Variants in ARFIP1 observed in about 807,000 individuals in gnomAD.
ARFIP1 encodes ARF interacting protein 1.
ARFIP1 carries 24 observed loss-of-function variants against 42.5 expected under a neutral mutation model. The observed-to-expected ratio is 0.57, with a 90% CI of 0.41 to 0.80. ARFIP1 has a LOEUF of 0.80. ARFIP1 is among the 30% of genes least tolerant of loss of function. The pLI is 0.00. For missense variants in ARFIP1, 354 were observed against 434.0 expected (o/e 0.82, Z 1.64); for synonymous variants, 141 against 153.7 (o/e 0.92, Z 0.61).
intron 1 of ARFIP1, among the ~76,000 whole-genome samples, chr4:152,811,953 T>C (rs1412291875): frequency 1.3e-5 from 2 of 152,222 alleles, no homozygotes; most frequent in Non-Finnish European, 2.9e-5. Context: ...AGAAAATGAA[T>C]AGATAATAGT....
At chr4:152,889,528 TATATATAC>T (rs1235038170) in intron 8 of ARFIP1, among the ~76,000 whole-genome samples, 3,764 of 53,204 alleles carry the variant, frequency 0.071, 291 homozygotes, top group East Asian at 0.13. Context: ...TATATATATA[TATATATAC>T]ACCTATTTTT....
intron 2 of ARFIP1, among the ~76,000 whole-genome samples, chr4:152,860,243 A>G (rs958703323): frequency 5.3e-5 from 8 of 152,184 alleles, no homozygotes; most frequent in African/African-American, 1.7e-4. Context: ...AATTCAGACT[A>G]TTTGCCTGGG....
chr4:152,789,322 T>C (rs1186257099), intron 1 of ARFIP1, among the ~76,000 whole-genome samples: 3 of 151,720 alleles, frequency 2.0e-5, no homozygotes, highest in South Asian at 2.1e-4. Context: ...ACTCCTGACC[T>C]CAGGTGATCC....
At chr4:152,849,138 T>A (rs1732788212) in intron 2 of ARFIP1, among the ~76,000 whole-genome samples, 1 of 152,210 alleles carries the variant, frequency 6.6e-6, no homozygotes, top group Non-Finnish European at 1.5e-5. Context: ...ATTTTTAATA[T>A]ACACATACAT....
chr4:152,780,880 T>G (rs1484390199), intron 1 of ARFIP1, among the ~76,000 whole-genome samples: 1 of 152,228 alleles, frequency 6.6e-6, no homozygotes, highest in East Asian at 1.9e-4. Flanking sequence ...TTTACTTTAT[T>G]TTGTTATTAC....
chr4:152,884,338 C>T (rs1305310391), intron 7 of ARFIP1, among the ~76,000 whole-genome samples: 1 of 151,840 alleles, frequency 6.6e-6, no homozygotes, highest in Non-Finnish European at 1.5e-5. Context: ...TCAAAGGGTT[C>T]ATTATGTATA....
chr4:152,792,105 A>G (rs895287807), intron 1 of ARFIP1, among the ~76,000 whole-genome samples: 1 of 152,184 alleles, frequency 6.6e-6, no homozygotes, highest in Non-Finnish European at 1.5e-5. Flanking sequence ...TATCAAGTCT[A>G]AAGAAACTAA....
intron 8 of ARFIP1, among the ~76,000 whole-genome samples, chr4:152,901,391 C>G (rs1259209188): frequency 6.6e-6 from 1 of 152,138 alleles, no homozygotes; most frequent in East Asian, 1.9e-4. Context: ...ATTTAAAACT[C>G]CAGCTTGTCT....
At chr4:152,825,463 A>G (rs778667349) in intron 1 of ARFIP1, among the ~76,000 whole-genome samples, 4 of 152,222 alleles carry the variant, frequency 2.6e-5, no homozygotes, top group East Asian at 1.9e-4. Flanking sequence ...ACACTATTCA[A>G]TAAATGGTGC....
chr4:152,878,604 T>C (rs1466664705), intron 5 of ARFIP1, among the ~76,000 whole-genome samples: 1 of 152,236 alleles, frequency 6.6e-6, no homozygotes, highest in Non-Finnish European at 1.5e-5. Flanking sequence ...ACAACTTCTT[T>C]CAAGTGTCCA....
chr4:152,795,103 T>G (rs1280054913), intron 1 of ARFIP1, among the ~76,000 whole-genome samples: 1 of 152,182 alleles, frequency 6.6e-6, no homozygotes, highest in Non-Finnish European at 1.5e-5. Context: ...TCCACCCCTT[T>G]CTCACCTGCC....
At chr4:152,782,223 G>GGTGTGTGTGTGT (rs71598214) in intron 1 of ARFIP1, among the ~76,000 whole-genome samples, 13 of 148,668 alleles carry the variant, frequency 8.7e-5, no homozygotes, top group African/African-American at 2.7e-4. Flanking sequence ...AACAGGTAGG[G>GGTGTGTGTGTGT]GTGTGTGTGT....
At chr4:152,796,092 C>T (rs1002657738) in intron 1 of ARFIP1, 24 of 743,284 alleles carry the variant, frequency 3.2e-5, no homozygotes, top group Non-Finnish European at 5.6e-5. Context: ...TTTATGCATC[C>T]ATCATTTTCA....
At chr4:152,900,037 A>G (rs903087393) in intron 8 of ARFIP1, among the ~76,000 whole-genome samples, 10 of 152,240 alleles carry the variant, frequency 6.6e-5, no homozygotes, top group African/African-American at 2.4e-4. Flanking sequence ...TTGTTCAGAT[A>G]GCAGAGAGAG....
chr4:152,807,713 T>C (rs1729096718), intron 1 of ARFIP1, among the ~76,000 whole-genome samples: 1 of 152,146 alleles, frequency 6.6e-6, no homozygotes, highest in South Asian at 2.1e-4. Context: ...GGTTCACCTT[T>C]TTGTTTTTTT....
At chr4:152,891,740 G>A (rs185837818) in intron 8 of ARFIP1, among the ~76,000 whole-genome samples, 12 of 152,138 alleles carry the variant, frequency 7.9e-5, no homozygotes, top group Admixed American at 7.2e-4. Flanking sequence ...AAGGAGTCTC[G>A]CTATGTTGCC....
intron 5 of ARFIP1, among the ~76,000 whole-genome samples, chr4:152,876,591 G>T (rs964038755): frequency 7.0e-4 from 106 of 152,318 alleles, no homozygotes; most frequent in African/African-American, 2.5e-3. Context: ...AACCCATTTT[G>T]GGGGAGAAAT....
intron 6 of ARFIP1, among the ~76,000 whole-genome samples, chr4:152,882,421 A>G (rs929083050): frequency 4.1e-4 from 63 of 152,308 alleles, no homozygotes; most frequent in African/African-American, 1.3e-3. Context: ...AGCTGTGCTT[A>G]TAGTATAATA....
At chr4:152,904,198 A>ATATAT (rs36085096) in intron 8 of ARFIP1, among the ~76,000 whole-genome samples, 186 of 126,648 alleles carry the variant, frequency 1.5e-3, no homozygotes, top group African/African-American at 5.8e-3. Context: ...ATATATATAT[A>ATATAT]TTTTTTTTTT....
Sources: allele counts gnomAD v4.1 joint callset (sites outside exome capture counted in the v4.1 genomes callset), GRCh38; gene constraint gnomAD v4.1.1; transcripts MANE v1.5; gene names NCBI Gene and HGNC (gene_info 2026-07-23, HGNC 2026-07-21).